INTU: variants seen among roughly 807,000 people sequenced by gnomAD.
The protein encoded by INTU is protein inturned.
In INTU, 68 loss-of-function variants were observed where a neutral mutation model predicts 100.5. The observed-to-expected ratio is 0.68, with a 90% CI of 0.56 to 0.83. The LOEUF (loss-of-function observed/expected upper bound fraction) is 0.83, where lower values mean the gene tolerates loss of function less well. INTU is among the 40% of genes least tolerant of loss of function. The pLI is 0.00. For synonymous variants in INTU, 357 were observed against 395.7 expected (o/e 0.90, Z 1.16); for missense variants, 1,071 against 1,114.7 (o/e 0.96, Z 0.56).
Position 127,632,975 on chromosome 4 carries a change from T to C in INTU, c.-60T>C, listed in dbSNP as rs1578513911. On this transcript the variant is annotated 5_prime_UTR_variant, in exon 1 of 16. Coordinates refer to ENST00000335251, the MANE Select transcript of INTU (RefSeq NM_015693.4). Reference sequence around the variant, plus strand: ...CCCAAGCAGAGGCAACATGGCGGCCTTAGCAAGCTATAGCTGCGAGATTTG... The same window carrying C: ...CCCAAGCAGAGGCAACATGGCGGCCCTAGCAAGCTATAGCTGCGAGATTTG... 1 of 1,547,006 alleles carries C rather than the reference T, an allele frequency of 6.5e-7. No individual in the cohort carries two copies. Among genetic ancestry groups the C allele is most frequent in the Non-Finnish European group, 8.8e-7 (1 of 1,138,500 alleles).
chr4:127,663,935 C>T (rs1728586987), intron 4 of INTU, among the ~76,000 whole-genome samples: 1 of 151,908 alleles, frequency 6.6e-6, no homozygotes. Flanking sequence ...TAAAATTCAA[C>T]AATTTTAAGT....
intron 8 of INTU, among the ~76,000 whole-genome samples, chr4:127,697,979 G>T (rs554911771): frequency 4.9e-4 from 74 of 152,220 alleles, no homozygotes; most frequent in African/African-American, 1.7e-3. Flanking sequence ...AATAAGCTGG[G>T]TGTGATGGTG....
chr4:127,638,252 T>C (rs1408189825), intron 1 of INTU, among the ~76,000 whole-genome samples: 1 of 152,224 alleles, frequency 6.6e-6, no homozygotes, highest in Non-Finnish European at 1.5e-5. Context: ...AGAATTGTCC[T>C]GTTATACCTA....
chr4:127,637,565 C>G (rs1727127165), intron 1 of INTU, among the ~76,000 whole-genome samples: 1 of 152,162 alleles, frequency 6.6e-6, no homozygotes, highest in South Asian at 2.1e-4. Flanking sequence ...TAAGTTCTAC[C>G]TTCTCCTAGA....
At chr4:127,638,343 A>G (rs11732826) in intron 1 of INTU, among the ~76,000 whole-genome samples, 2,139 of 152,302 alleles carry the variant, frequency 0.014, 24 homozygotes, top group Non-Finnish European at 0.025. Flanking sequence ...AGAAAAAAGT[A>G]TACTATAACA....
intron 8 of INTU, among the ~76,000 whole-genome samples, chr4:127,698,520 A>C (rs2148723984): frequency 6.6e-6 from 1 of 152,080 alleles, no homozygotes; most frequent in South Asian, 2.1e-4. Flanking sequence ...AGGTGGAAAT[A>C]GTTATTTTTG....
chr4:127,633,114 A>G lies in INTU; in HGVS notation c.80A>G (p.Glu27Gly). 4 of 1,614,094 alleles carry G rather than the reference A, an allele frequency of 2.5e-6. No individual in the cohort carries two copies. The highest frequency in any genetic ancestry group is 2.5e-6 in the Non-Finnish European group (3 of 1,179,952). Residue 27 changes from glutamate to glycine, a missense_variant, in exon 1 of 16, where the codon GAG becomes GGG. Glu to Gly is a moderately conservative substitution (Grantham distance 98, BLOSUM62 -2). Transcript: ENST00000335251. ...GACCCCTCTTCACAAGAAGAAGATG[A>G]GGACTATGATTTTGAAGATCGGGTC... ...PGDPSSQEED[E>G]DYDFEDRVSD...
chr4:127,686,059 A>AC (rs1448171315), intron 7 of INTU: 1 of 152,198 alleles, frequency 6.6e-6, no homozygotes, highest in Non-Finnish European at 1.5e-5. Context: ...TTTTATAACA[A>AC]CTTTTTTTCT....
At chr4:127,637,183 A>G (rs1243752134) in intron 1 of INTU, among the ~76,000 whole-genome samples, 4 of 152,088 alleles carry the variant, frequency 2.6e-5, no homozygotes, top group Non-Finnish European at 5.9e-5. Context: ...CCTGTTTCCC[A>G]TGCACCAGTG....
intron 6 of INTU, among the ~76,000 whole-genome samples, chr4:127,676,620 C>T (rs1460607736): frequency 6.6e-6 from 1 of 151,268 alleles, no homozygotes; most frequent in Non-Finnish European, 1.5e-5. Flanking sequence ...AGGTGGGAGC[C>T]AAGATGGCCG....
intron 9 of INTU, among the ~76,000 whole-genome samples, chr4:127,703,979 C>T (rs1730763986): frequency 6.6e-6 from 1 of 152,078 alleles, no homozygotes; most frequent in Non-Finnish European, 1.5e-5. Context: ...CATAGAGTGA[C>T]AGATTTTATG....
intron 8 of INTU, among the ~76,000 whole-genome samples, chr4:127,689,686 AAG>A (rs1730014473): frequency 6.6e-6 from 1 of 152,014 alleles, no homozygotes; most frequent in African/African-American, 2.4e-5. Context: ...GAAAAGGAAA[AAG>A]AAGAGGGAAA....
chr4:127,690,750 C>G (rs979561249), intron 8 of INTU, among the ~76,000 whole-genome samples: 7 of 152,080 alleles, frequency 4.6e-5, no homozygotes, highest in Non-Finnish European at 1.0e-4. Context: ...CCACGTACCC[C>G]CTTCCCCCAT....
chr4:127,634,600 TG>T (rs1726986386), intron 1 of INTU, among the ~76,000 whole-genome samples: 1 of 152,206 alleles, frequency 6.6e-6, no homozygotes, highest in Non-Finnish European at 1.5e-5. Flanking sequence ...TCAAAATACA[TG>T]TATGTATGTT....
At position 127,684,618 on chromosome 4, in the gene INTU, C is replaced by T. The variant is rs1326791047; in HGVS notation, c.1259+132C>T. ...TCTCCTCCCTCCCCTCTTTCCTCCTCCTCTTCCTTCCTCTTCCTCCTCCTC... is the reference window on the plus strand; with the variant it reads ...TCTCCTCCCTCCCCTCTTTCCTCCTTCTCTTCCTTCCTCTTCCTCCTCCTC... On this transcript the variant is annotated intron_variant, in intron 7 of 15. Coordinates refer to ENST00000335251, the MANE Select transcript of INTU (RefSeq NM_015693.4). 5 of 536,016 alleles carry T rather than the reference C, an allele frequency of 9.3e-6. No homozygotes were observed. The East Asian group carries it at 9.8e-5, about 11-fold the overall frequency. The allele number at this position is 536,016 out of a possible 1,614,324, so 33.2% of individuals were successfully genotyped here.
At chr4:127,709,097 A>C (rs573658640) in intron 13 of INTU, among the ~76,000 whole-genome samples, 29 of 152,268 alleles carry the variant, frequency 1.9e-4, no homozygotes, top group Admixed American at 5.9e-4. Flanking sequence ...TCACTCCCCT[A>C]GCCGTGTCCT....
At chr4:127,703,552 C>A (rs1414203435) in intron 9 of INTU, among the ~76,000 whole-genome samples, 1 of 152,142 alleles carries the variant, frequency 6.6e-6, no homozygotes, top group Non-Finnish European at 1.5e-5. Context: ...ATATTTTGTT[C>A]TGCAGCTTGC....
chr4:127,654,167 T>C (rs892213639), intron 2 of INTU, among the ~76,000 whole-genome samples: 27 of 151,674 alleles, frequency 1.8e-4, no homozygotes, highest in Non-Finnish European at 3.8e-4. Context: ...GGGTCTTGAC[T>C]CTTTATCCAA....
chr4:127,705,859 T>A, intron 11 of INTU, 47 bp downstream of exon 11: 1 of 1,512,766 alleles, frequency 6.6e-7, no homozygotes, highest in Non-Finnish European at 9.1e-7. Context: ...TCTTTTCTTT[T>A]ATTTTTTTCT....
Sources: allele counts gnomAD v4.1 joint callset (sites outside exome capture counted in the v4.1 genomes callset), GRCh38; gene constraint gnomAD v4.1.1; transcripts MANE v1.5; gene names NCBI Gene and HGNC (gene_info 2026-07-23, HGNC 2026-07-21).